The following TAF3 variants were observed in gnomAD, a reference collection of about 807,000 sequenced individuals.
TAF3 encodes the protein TATA-box binding protein associated factor 3.
TAF3 carries 7 observed loss-of-function variants against 80.6 expected under a neutral mutation model. The observed-to-expected ratio is 0.09, with a 90% CI of 0.05 to 0.16. The LOEUF (loss-of-function observed/expected upper bound fraction) is 0.16. TAF3 is among the 10% of genes least tolerant of loss of function. The pLI is 1.00. For missense variants in TAF3, 921 were observed against 1,140.2 expected (o/e 0.81, Z 2.77); for synonymous variants, 444 against 446.1 (o/e 1.00, Z 0.06).
chr10:7,859,503 C>G (rs1265308186), intron 2 of TAF3, among the ~76,000 whole-genome samples: 1 of 152,058 alleles, frequency 6.6e-6, no homozygotes, highest in Non-Finnish European at 1.5e-5. Flanking sequence ...TTCCTGAAGT[C>G]AAGTCTGAGA....
Position 7,876,155 on chromosome 10 carries a change from G to A in TAF3, c.409+51595G>A, listed in dbSNP as rs189125258. 1.1e-4 allele frequency among the ~76,000 whole-genome samples: 17 copies of A among 152,030 alleles called. No individual in the cohort carries two copies. In the South Asian group the frequency reaches 1.7e-3, roughly 15 times the overall value. On this transcript the variant is annotated intron_variant, in intron 2 of 6. Coordinates refer to ENST00000344293, the MANE Select transcript of TAF3 (RefSeq NM_031923.4). ...GTACATAGATAAATTAATTTTGTGCGGTGTTTTATATTTTTCTTTTCTTTG... is the reference window on the plus strand; with the variant it reads ...GTACATAGATAAATTAATTTTGTGCAGTGTTTTATATTTTTCTTTTCTTTG...
Position 7,964,074 on chromosome 10 carries a change from A to G in TAF3, c.564A>G (p.Glu188=). The change falls in exon 3 of 7, where the codon GAA becomes GAG. Residue 188 remains glutamate, a synonymous_variant. Coordinates refer to ENST00000344293, the MANE Select transcript of TAF3 (RefSeq NM_031923.4). This position sits in a 1 kb window ranked among gnomAD's most constrained non-coding sequence, Gnocchi z 4.1. ...KRPLDSPEAE[E]LPAMKRPRLL... is the part of the protein sequence containing the mutation. Reference sequence around the variant, plus strand: ...CACTGGATAGTCCTGAAGCTGAAGAACTGCCAGCCATGAAGCGGCCTCGGC... The same window carrying G: ...CACTGGATAGTCCTGAAGCTGAAGAGCTGCCAGCCATGAAGCGGCCTCGGC... 2 of 1,614,062 alleles carry G rather than the reference A, an allele frequency of 1.2e-6. No individual in the cohort carries two copies. The highest frequency in any genetic ancestry group is 1.7e-6 in the Non-Finnish European group (2 of 1,180,004).
chr10:7,892,742 A>T (rs1229946520), intron 2 of TAF3, among the ~76,000 whole-genome samples: 1 of 151,854 alleles, frequency 6.6e-6, no homozygotes, highest in African/African-American at 2.4e-5. Context: ...CTATCTATCC[A>T]TCTTTACTTT....
chr10:7,964,532 A>C lies in TAF3; in HGVS notation c.1022A>C (p.Asn341Thr), dbSNP rs765096330. ...ACACCTGTGAGACCTGAAACGCCCAACAGGACTCCTTCAGCTACACTCAGT... is the reference window on the plus strand; with the variant it reads ...ACACCTGTGAGACCTGAAACGCCCACCAGGACTCCTTCAGCTACACTCAGT... Reference protein sequence around the residue: ...PQTPVRPETPNRTPSATLSEK... With the variant: ...PQTPVRPETPTRTPSATLSEK... Residue 341 changes from asparagine (N) to threonine (T), a missense_variant, in exon 3 of 7, where the codon AAC (asparagine) becomes ACC (threonine). Transcript: ENST00000344293. The surrounding 1 kb of genome is among the most constrained non-coding windows in gnomAD (Gnocchi z 4.1). The C allele has an allele frequency of 2.5e-6, 4 of 1,613,602 alleles. No homozygotes were observed. Among genetic ancestry groups the C allele is most frequent in the Non-Finnish European group, 3.4e-6 (4 of 1,179,824 alleles).
At chr10:7,824,255 TA>T in intron 1 of TAF3, 62 bp from the exon 2 acceptor site, 2 of 1,542,552 alleles carry the variant, frequency 1.3e-6, no homozygotes, top group Non-Finnish European at 8.8e-7. Context: ...TTTTTCTTAA[TA>T]TTTAAAAATA....
intron 2 of TAF3, among the ~76,000 whole-genome samples, chr10:7,888,734 A>G (rs934443098): frequency 3.9e-5 from 6 of 152,254 alleles, no homozygotes; most frequent in Admixed American, 2.0e-4. Flanking sequence ...CAGTTGACCA[A>G]GAAGACAGTG....
intron 2 of TAF3, among the ~76,000 whole-genome samples, chr10:7,909,311 T>C (rs1837636048): frequency 6.6e-6 from 1 of 152,316 alleles, no homozygotes; most frequent in South Asian, 2.1e-4. Context: ...TTGGTGTACA[T>C]GCACCCTAGT....
chr10:7,974,300 C>T (rs1831649989), intron 3 of TAF3, among the ~76,000 whole-genome samples: 1 of 152,124 alleles, frequency 6.6e-6, no homozygotes, highest in African/African-American at 2.4e-5. Flanking sequence ...AAGGAGACAT[C>T]AGCCAAGAGT....
intron 2 of TAF3, among the ~76,000 whole-genome samples, chr10:7,935,943 G>GGAGTA (rs1209802740): frequency 1.3e-5 from 2 of 152,186 alleles, no homozygotes; most frequent in African/African-American, 2.4e-5. Context: ...CCTGCGTGGA[G>GGAGTA]GAGTAGAGCA....
intron 4 of TAF3, among the ~76,000 whole-genome samples, chr10:7,977,985 A>G (rs1831689900): frequency 6.6e-6 from 1 of 152,134 alleles, no homozygotes; most frequent in African/African-American, 2.4e-5. Context: ...ATTAAGGCCT[A>G]CAGTACTCTT....
chr10:7,823,133 A>G (rs1052682288), intron 1 of TAF3, among the ~76,000 whole-genome samples: 24 of 152,028 alleles, frequency 1.6e-4, no homozygotes, highest in African/African-American at 5.3e-4. Context: ...CAAAAACCAA[A>G]CTTTTATGAT....
chr10:7,914,987 C>T (rs1837695829), intron 2 of TAF3, among the ~76,000 whole-genome samples: 1 of 127,202 alleles, frequency 7.9e-6, no homozygotes, highest in South Asian at 2.7e-4. Flanking sequence ...GTCGCCCAGG[C>T]TGGAGTGCAG....
intron 2 of TAF3, among the ~76,000 whole-genome samples, chr10:7,828,028 C>G (rs1261334806): frequency 2.0e-5 from 3 of 152,054 alleles, no homozygotes; most frequent in African/African-American, 7.2e-5. Flanking sequence ...AAATAATTTA[C>G]TTTTGAATTG....
rs1207006303 is a variant in TAF3 at position 7,857,025 on chromosome 10, C to T, written c.409+32465C>T. On this transcript the variant is annotated intron_variant, in intron 2 of 6. Transcript: ENST00000344293. ...CAGAGAATGCTTTTGTTAATTTTCC[C>T]AACTTTCATGTCCGTAAGCAAACCA... is the stretch of plus-strand genomic sequence containing the variant. 2.0e-5 allele frequency among the ~76,000 whole-genome samples: 3 copies of T among 152,124 alleles called. No homozygotes were observed. The South Asian group carries it at 6.2e-4, about 32-fold the overall frequency.
chr10:7,853,609 T>C (rs868479165), intron 2 of TAF3, among the ~76,000 whole-genome samples: 2 of 152,254 alleles, frequency 1.3e-5, no homozygotes, highest in South Asian at 4.1e-4. Context: ...AATTCTCACA[T>C]ACCCCTTCCT....
At chr10:7,854,844 G>A (rs1213094898) in intron 2 of TAF3, among the ~76,000 whole-genome samples, 1 of 152,220 alleles carries the variant, frequency 6.6e-6, no homozygotes, top group Non-Finnish European at 1.5e-5. Context: ...AGATTGTAGT[G>A]TGAACTTCTG....
intron 2 of TAF3, among the ~76,000 whole-genome samples, chr10:7,938,112 T>TAG (rs1564367202): frequency 6.6e-6 from 1 of 152,226 alleles, no homozygotes; most frequent in African/African-American, 2.4e-5. Flanking sequence ...AAATAAAACT[T>TAG]AGAGTCCTAT....
At chr10:7,977,457 T>C (rs1831684466) in intron 4 of TAF3, 134 bp downstream of exon 4, 1 of 714,430 alleles carries the variant, frequency 1.4e-6, no homozygotes, top group Non-Finnish European at 2.2e-6. Flanking sequence ...TTTAGAACTC[T>C]TCGTTTTCAA....
chr10:7,977,582 G>A (rs547904441), intron 4 of TAF3, among the ~76,000 whole-genome samples: 23 of 151,324 alleles, frequency 1.5e-4, no homozygotes, highest in Non-Finnish European at 1.6e-4. Flanking sequence ...CATTATTTCT[G>A]CATAGTCTTT....
Sources: gnomAD v4.1 joint callset for allele counts (sites outside exome capture counted in the v4.1 genomes callset) on GRCh38, gnomAD v4.1.1 for gene constraint, Gnocchi (gnomAD v3.1) non-coding constraint, MANE v1.5 for transcripts, NCBI Gene and HGNC (gene_info 2026-07-23, HGNC 2026-07-21) for gene names.